VAT1L: variants seen among roughly 807,000 people sequenced by gnomAD.
VAT1L encodes putative NADPH-dependent quinone oxidoreductase VAT1L.
In VAT1L, 34 loss-of-function variants were observed where a neutral mutation model predicts 44.1. That is an observed-to-expected ratio of 0.77 (90% confidence interval 0.59 to 1.03). The LOEUF (loss-of-function observed/expected upper bound fraction) is 1.03, where lower values mean the gene tolerates loss of function less well. Among genes scored for constraint, VAT1L ranks in the 50% least tolerant of loss-of-function variants. VAT1L has a pLI of 0.00. For missense variants in VAT1L, 615 were observed against 538.8 expected (o/e 1.14, Z -1.40); for synonymous variants, 253 against 202.2 (o/e 1.25, Z -2.13).
At chr16:77,845,103 G>A (rs1046786089) in intron 3 of VAT1L, among the ~76,000 whole-genome samples, 2 of 151,316 alleles carry the variant, frequency 1.3e-5, no homozygotes, top group East Asian at 1.9e-4. Flanking sequence ...CCTAGTCACA[G>A]AGCTTGCTTG....
At chr16:77,854,719 T>C (rs928911251) in intron 3 of VAT1L, among the ~76,000 whole-genome samples, 1 of 152,236 alleles carries the variant, frequency 6.6e-6, no homozygotes, top group Admixed American at 6.5e-5. Flanking sequence ...AAGTCTCTTC[T>C]CCGAACATTC....
At chr16:77,948,653 T>C (rs766919659) in intron 7 of VAT1L, among the ~76,000 whole-genome samples, 1 of 152,210 alleles carries the variant, frequency 6.6e-6, no homozygotes, top group Non-Finnish European at 1.5e-5. Flanking sequence ...TTTTCCTTCA[T>C]TGCCTTCCCT....
chr16:77,814,918 CAT>C (rs776681198), intron 1 of VAT1L, among the ~76,000 whole-genome samples: 12 of 152,300 alleles, frequency 7.9e-5, no homozygotes, highest in Admixed American at 2.0e-4. Flanking sequence ...TCAAGGCTAA[CAT>C]GTATTGAATA....
chr16:77,931,402 A>AC (rs2017729575), intron 7 of VAT1L, among the ~76,000 whole-genome samples: 1 of 152,220 alleles, frequency 6.6e-6, no homozygotes, highest in African/African-American at 2.4e-5. Context: ...CAGCCTACAT[A>AC]GAAATAACTT....
chr16:77,836,285 T>A (rs1216535117), intron 3 of VAT1L, among the ~76,000 whole-genome samples: 3 of 152,156 alleles, frequency 2.0e-5, no homozygotes, highest in Non-Finnish European at 4.4e-5. Flanking sequence ...TCGCTCATTT[T>A]TTCTGCCTGT....
At chr16:77,849,752 G>C (rs79498874) in intron 3 of VAT1L, among the ~76,000 whole-genome samples, 2,488 of 152,248 alleles carry the variant, frequency 0.016, 66 homozygotes, top group African/African-American at 0.058. Flanking sequence ...TTCCCTACAA[G>C]ACTGACAGTT....
chr16:77,951,805 G>A (rs2018046422), intron 7 of VAT1L, among the ~76,000 whole-genome samples: 1 of 148,598 alleles, frequency 6.7e-6, no homozygotes, highest in Non-Finnish European at 1.5e-5. Flanking sequence ...GTAGTTTTCT[G>A]TATCTGTGTT....
Position 77,792,892 on chromosome 16 carries a change from C to A in VAT1L, c.233+3977C>A, listed in dbSNP as rs138250382. Among the ~76,000 whole-genome samples, 371 of 152,236 alleles carry A rather than the reference C, an allele frequency of 2.4e-3. 3 individuals are homozygous for A. Among genetic ancestry groups the A allele is most frequent in the Non-Finnish European group, 4.5e-3 (304 of 68,012 alleles). ...TTAAATGACATGCCATATACAAAGA[C>A]CTTTATAAGGATGCCTGGTGCTTAG... On this transcript the variant is annotated intron_variant, in intron 1 of 8. Transcript: ENST00000302536.
At chr16:77,963,555 T>G (rs1347675017) in intron 7 of VAT1L, among the ~76,000 whole-genome samples, 1 of 152,090 alleles carries the variant, frequency 6.6e-6, no homozygotes, top group African/African-American at 2.4e-5. Context: ...CAAGTCACTG[T>G]TGGTGGTCAT....
At chr16:77,860,419 T>G (rs1054478838) in intron 3 of VAT1L, among the ~76,000 whole-genome samples, 1 of 152,130 alleles carries the variant, frequency 6.6e-6, no homozygotes, top group African/African-American at 2.4e-5. Context: ...GACCGGAGAT[T>G]AACACATGCC....
chr16:77,928,338 T>A (rs1356758897), intron 7 of VAT1L, among the ~76,000 whole-genome samples: 1 of 152,230 alleles, frequency 6.6e-6, no homozygotes, highest in Non-Finnish European at 1.5e-5. Flanking sequence ...AAAACTCAGC[T>A]GTTTGCTAAT....
intron 1 of VAT1L, among the ~76,000 whole-genome samples, chr16:77,799,084 C>T (rs1474200217): frequency 1.3e-5 from 2 of 152,078 alleles, no homozygotes; most frequent in Non-Finnish European, 2.9e-5. Context: ...GAAAATTTAG[C>T]GAGCCCCAGT....
chr16:77,886,109 C>T (rs953682407), intron 7 of VAT1L, among the ~76,000 whole-genome samples: 1 of 152,154 alleles, frequency 6.6e-6, no homozygotes, highest in African/African-American at 2.4e-5. Flanking sequence ...GGTTTGCTTC[C>T]TTCCAGTCTT....
intron 7 of VAT1L, among the ~76,000 whole-genome samples, chr16:77,962,977 G>T (rs1479500534): frequency 6.6e-6 from 1 of 152,056 alleles, no homozygotes; most frequent in Non-Finnish European, 1.5e-5. Context: ...ACAATCTTAG[G>T]GTTCTGGGTG....
At chr16:77,939,455 C>T (rs4243140) in intron 7 of VAT1L, among the ~76,000 whole-genome samples, 93,416 of 152,002 alleles carry the variant, frequency 0.61, 29,247 homozygotes, top group East Asian at 0.86. Flanking sequence ...CAGCAAGTGC[C>T]ACAAATCAGG....
At chr16:77,824,924 T>C (rs527691143) in intron 2 of VAT1L, among the ~76,000 whole-genome samples, 7 of 130,076 alleles carry the variant, frequency 5.4e-5, no homozygotes, top group African/African-American at 2.0e-4. Flanking sequence ...TGGAGTGCAA[T>C]GGCATGATCT....
intron 7 of VAT1L, among the ~76,000 whole-genome samples, chr16:77,940,545 A>G (rs2017868845): frequency 6.6e-6 from 1 of 151,840 alleles, no homozygotes; most frequent in Non-Finnish European, 1.5e-5. Flanking sequence ...GGGTTTCACC[A>G]TGTTGGTCAT....
chr16:77,880,256 T>G (rs548987140), intron 6 of VAT1L, among the ~76,000 whole-genome samples: 1 of 151,924 alleles, frequency 6.6e-6, no homozygotes, highest in Non-Finnish European at 1.5e-5. Flanking sequence ...TCCTGGGCTG[T>G]AGCAACCCTC....
intron 7 of VAT1L, among the ~76,000 whole-genome samples, chr16:77,891,281 G>T (rs529935489): frequency 4.6e-5 from 7 of 152,178 alleles, no homozygotes; most frequent in African/African-American, 1.7e-4. Context: ...ATGAACCCAG[G>T]AGGTGGAGCT....
Sources: allele counts gnomAD v4.1 joint callset (sites outside exome capture counted in the v4.1 genomes callset), GRCh38; gene constraint gnomAD v4.1.1; transcripts MANE v1.5; gene names NCBI Gene and HGNC (gene_info 2026-07-23, HGNC 2026-07-21).